The following CNTFR variants were observed in gnomAD, a reference collection of about 807,000 sequenced individuals.
CNTFR encodes the protein ciliary neurotrophic factor receptor subunit alpha.
A neutral mutation model predicts 40.4 loss-of-function variants in CNTFR; 12 were observed. That is an observed-to-expected ratio of 0.30 (90% CI 0.19 to 0.48). The LOEUF (loss-of-function observed/expected upper bound fraction) is 0.48. Ranked by LOEUF, CNTFR falls within the 20% of genes least tolerant of loss-of-function variation. The pLI is 0.99. For synonymous variants in CNTFR, 202 were observed against 209.6 expected (o/e 0.96, Z 0.31); for missense variants, 414 against 506.8 (o/e 0.82, Z 1.76).
chr9:34,574,844 TGTGC>T (rs1826875114), intron 2 of CNTFR, among the ~76,000 whole-genome samples: 1 of 152,198 alleles, frequency 6.6e-6, no homozygotes. Context: ...GCTGCACGTG[TGTGC>T]GGGCGTGTTG....
At chr9:34,567,961 G>C (rs2132176335) in intron 3 of CNTFR, 1 of 152,288 alleles carries the variant, frequency 6.6e-6, no homozygotes, top group African/African-American at 2.4e-5. Flanking sequence ...TCTCACTGAT[G>C]ATCTCATAAA....
chr9:34,590,464 G>A (rs1827729955), upstream of CNTFR, among the ~76,000 whole-genome samples: 2 of 152,210 alleles, frequency 1.3e-5, no homozygotes, highest in South Asian at 4.1e-4. Context: ...TATTGCTACT[G>A]CCCCCCGCAA....
chr9:34,570,256 G>A (rs1587145107), intron 2 of CNTFR: 1 of 152,400 alleles, frequency 6.6e-6, no homozygotes. Context: ...ACCAGAGACT[G>A]TTAGAAGGAC....
At chr9:34,579,032 GGT>G (rs1316865212) in intron 2 of CNTFR, among the ~76,000 whole-genome samples, 1 of 152,208 alleles carries the variant, frequency 6.6e-6, no homozygotes, top group African/African-American at 2.4e-5. Context: ...GGGCTTGTCA[GGT>G]GTGCACACCC....
At chr9:34,555,216 G>A (rs1825787394) in intron 7 of CNTFR, among the ~76,000 whole-genome samples, 1 of 152,238 alleles carries the variant, frequency 6.6e-6, no homozygotes, top group South Asian at 2.1e-4. Context: ...CCAGGCGGGA[G>A]GGACTCCGGA....
At chr9:34,559,105 C>T (rs749511340) in intron 4 of CNTFR, among the ~76,000 whole-genome samples, 8 of 152,188 alleles carry the variant, frequency 5.3e-5, no homozygotes, top group Non-Finnish European at 7.4e-5. Flanking sequence ...CCCCCGCCCC[C>T]GGCCTGACAG....
chr9:34,583,950 G>A (rs1427402572), intron 1 of CNTFR, among the ~76,000 whole-genome samples: 1 of 152,196 alleles, frequency 6.6e-6, no homozygotes, highest in Non-Finnish European at 1.5e-5. Flanking sequence ...TCTGGAGAGA[G>A]GGGCTACGCA....
chr9:34,583,728 A>G (rs914788036), intron 1 of CNTFR, among the ~76,000 whole-genome samples: 2 of 152,102 alleles, frequency 1.3e-5, no homozygotes, highest in Non-Finnish European at 1.5e-5. Context: ...CCAGCCCCCA[A>G]TATTGATTCC....
chr9:34,571,878 T>C (rs897684667), intron 2 of CNTFR, among the ~76,000 whole-genome samples: 2 of 150,626 alleles, frequency 1.3e-5, no homozygotes, highest in African/African-American at 4.9e-5. Context: ...TAGGAAGAAA[T>C]AGAAGAGACG....
At chr9:34,553,114 G>A (rs1158370489) in intron 7 of CNTFR, among the ~76,000 whole-genome samples, 1 of 152,158 alleles carries the variant, frequency 6.6e-6, no homozygotes, top group East Asian at 1.9e-4. Flanking sequence ...AACACCTCAG[G>A]GGAGAATAAG....
At chr9:34,560,040 T>C (rs1826007215) in intron 4 of CNTFR, among the ~76,000 whole-genome samples, 1 of 152,232 alleles carries the variant, frequency 6.6e-6, no homozygotes, top group Non-Finnish European at 1.5e-5. Context: ...TACTCCTGCC[T>C]GGCCCTGGGC....
At chr9:34,562,499 T>C (rs1826114735) in intron 4 of CNTFR, among the ~76,000 whole-genome samples, 1 of 152,222 alleles carries the variant, frequency 6.6e-6, no homozygotes, top group Non-Finnish European at 1.5e-5. Flanking sequence ...CTTTAAGCCC[T>C]ACTGGTGGGT....
Position 34,568,964 on chromosome 9 carries a change from C to G in CNTFR, c.18G>C (p.Pro6=). 6.3e-7 allele frequency: 1 copy of G among 1,596,326 alleles called. No individual in the cohort carries two copies. ...CGGCAAGCACAGCACAGCAGGCCCA[C>G]GGGACAGGAGCAGCCATCTGTTGGG... MAAPV[P]WACCAVLAAA... Residue 6 remains proline, a synonymous_variant, in exon 3 of 10, where the codon CCG becomes CCC. Transcript: ENST00000378980.
At chr9:34,560,470 G>C (rs547816218) in intron 4 of CNTFR, among the ~76,000 whole-genome samples, 1 of 152,344 alleles carries the variant, frequency 6.6e-6, no homozygotes, top group East Asian at 1.9e-4. Context: ...CTCTGTTAGA[G>C]TGCCTGTAAG....
At chr9:34,560,973 G>A (rs151311434) in intron 4 of CNTFR, among the ~76,000 whole-genome samples, 71 of 152,302 alleles carry the variant, frequency 4.7e-4, no homozygotes, top group African/African-American at 1.4e-3. Flanking sequence ...CCTGCCCGCC[G>A]GCCCAGACAG....
In CNTFR at chr9:34,556,058, CAG is replaced by C. The variant is rs1270199211; in HGVS notation, c.768+195_768+196del. 5.9e-5 allele frequency among the ~76,000 whole-genome samples: 9 copies of C among 151,344 alleles called. No individual in the cohort carries two copies. The South Asian group carries it at 8.4e-4, about 14-fold the overall frequency. On this transcript the variant is annotated intron_variant, in intron 7 of 9. Transcript: ENST00000378980. Reference sequence around the variant, plus strand: ...GACATATGTGTTCCCGCTGCACTAACAGGGGTCACTGGGAACCCCTAAGGACA... The same window carrying C: ...GACATATGTGTTCCCGCTGCACTAACGGGTCACTGGGAACCCCTAAGGACA...
rs116977749 is a variant in CNTFR at position 34,557,073 on chromosome 9, G to A, written c.604+453C>T. Among the ~76,000 whole-genome samples, 58 of 151,676 alleles carry A rather than the reference G, an allele frequency of 3.8e-4. 1 individual carries two copies. The East Asian group carries it at 9.9e-3, about 26-fold the overall frequency. On this transcript the variant is annotated intron_variant, in intron 6 of 9. Coordinates refer to ENST00000378980, the MANE Select transcript of CNTFR (RefSeq NM_147164.3). The surrounding 1 kb of genome is among the most constrained non-coding windows in gnomAD (Gnocchi z 4.2). ...CAGAGAGCCTGCCTGGAATAGGGCA[G>A]GGGCAGGTAGAGGGTCTGGCTGGGA...
In CNTFR at chr9:34,557,682, T is replaced by G; in HGVS notation, c.448A>C (p.Lys150Gln). The change falls in exon 6 of 10, where the codon AAA becomes CAA. Residue 150 changes from lysine (K) to glutamine (Q), a missense_variant. Around this residue, in one of 3 missense-constraint regions of CNTFR, gnomAD observed 250 missense variants for 269.5 expected, o/e 0.93. Coordinates refer to ENST00000378980, the MANE Select transcript of CNTFR (RefSeq NM_147164.3). This position sits in a 1 kb window ranked among gnomAD's most constrained non-coding sequence, Gnocchi z 4.2. ...TFNVTVLHGS[K>Q]IMVCEKDPAL... is the part of the protein sequence containing the mutation. ...GGGTCCTTCTCACAGACCATAATTT[T>G]GGAGCCATGCCTGGGGAGAGGTGAG... is the stretch of plus-strand genomic sequence containing the variant. 1 of 1,614,140 alleles carries G rather than the reference T, an allele frequency of 6.2e-7. No individual in the cohort carries two copies. The highest frequency in any genetic ancestry group is 8.5e-7 in the Non-Finnish European group (1 of 1,180,020).
At chr9:34,567,823 G>T (rs1042705683) in intron 3 of CNTFR, among the ~76,000 whole-genome samples, 1 of 152,150 alleles carries the variant, frequency 6.6e-6, no homozygotes, top group Non-Finnish European at 1.5e-5. Flanking sequence ...ACCCTCACAA[G>T]AACACAGTTT....
Sources: gnomAD v4.1 joint callset for allele counts (sites outside exome capture counted in the v4.1 genomes callset) on GRCh38, gnomAD v4.1.1 for gene constraint, gnomAD v4.1.1 regional missense constraint, Gnocchi (gnomAD v3.1) non-coding constraint, MANE v1.5 for transcripts, NCBI Gene and HGNC (gene_info 2026-07-23, HGNC 2026-07-21) for gene names.